Variants in KLHL23 observed in about 807,000 individuals in gnomAD.
KLHL23 encodes the protein kelch-like protein 23.
A neutral mutation model predicts 48.9 loss-of-function variants in KLHL23; 33 were observed. The ratio of observed to expected loss-of-function variants is 0.67; its 90% CI spans 0.51 to 0.90. The LOEUF (loss-of-function observed/expected upper bound fraction) is 0.90, where lower values mean the gene tolerates loss of function less well. KLHL23 is among the 40% of genes least tolerant of loss of function. The pLI, the probability that KLHL23 is intolerant of heterozygous loss-of-function variation, is 0.00. For synonymous variants in KLHL23, 234 were observed against 231.6 expected, an observed-to-expected ratio of 1.01 and a Z score of -0.09; for missense variants, 608 against 669.6, an observed-to-expected ratio of 0.91 and a Z score of 1.02.
intron 3 of KLHL23, among the ~76,000 whole-genome samples, chr2:169,741,917 G>C (rs1489083052): frequency 6.6e-6 from 1 of 152,214 alleles, no homozygotes; most frequent in East Asian, 1.9e-4. Context: ...AGGGTACCCA[G>C]TGATTGAAGT....
intron 2 of KLHL23, among the ~76,000 whole-genome samples, chr2:169,738,162 AT>A: frequency 6.6e-6 from 1 of 152,310 alleles, no homozygotes; most frequent in Non-Finnish European, 1.5e-5. Flanking sequence ...ATATCTAGTC[AT>A]CCCAGGGAGA....
At position 169,750,237 on chromosome 2, in the gene KLHL23, G is replaced by T. The variant is rs112226984; in HGVS notation, c.*505G>T. The stretch of plus-strand genomic sequence containing the variant: ...ATAGAATATTTGACACTTGGTAAAA[G>T]GTGAACTACCTTTGTAGTGAATCTT... On this transcript the variant is annotated 3_prime_UTR_variant, in exon 4 of 4. Coordinates refer to ENST00000392647, the MANE Select transcript of KLHL23 (RefSeq NM_144711.6). 6.1e-3 allele frequency: 931 copies of T among 153,654 alleles called. 8 individuals carry two copies. Among genetic ancestry groups the T allele is most frequent in the Non-Finnish European group, 0.01 (701 of 68,064 alleles). 9.5% of individuals were successfully genotyped at this position (153,654 alleles called of 1,614,324 possible). A position where few individuals can be genotyped will look rare whatever the true frequency, so the allele number is the denominator to read the frequency against.
chr2:169,738,184 C>G (rs1421258628), intron 2 of KLHL23, among the ~76,000 whole-genome samples: 8 of 152,144 alleles, frequency 5.3e-5, no homozygotes, highest in African/African-American at 1.7e-4. Flanking sequence ...GGTAACACTG[C>G]CAGTTATGTG....
chr2:169,736,610 T>G (rs1688524114), intron 2 of KLHL23, among the ~76,000 whole-genome samples: 1 of 152,222 alleles, frequency 6.6e-6, no homozygotes, highest in African/African-American at 2.4e-5. Context: ...ACAAAGTACA[T>G]TCTTCCAGGA....
At chr2:169,743,131 C>T (rs1429029574) in intron 3 of KLHL23, among the ~76,000 whole-genome samples, 1 of 152,214 alleles carries the variant, frequency 6.6e-6, no homozygotes, top group East Asian at 1.9e-4. Flanking sequence ...TTAGATGTTA[C>T]TCTGCCTATT....
Position 169,749,519 on chromosome 2 carries a change from G to A in KLHL23, c.1464G>A (p.Trp488Ter). ...TECYDPEQNE[W>*]REIAPMMERR... ...GCTATGACCCTGAACAAAATGAATGGAGAGAGATAGCTCCCATGATGGAAA... is the reference window on the plus strand; with the variant it reads ...GCTATGACCCTGAACAAAATGAATGAAGAGAGATAGCTCCCATGATGGAAA... Residue 488 changes from tryptophan to a stop codon, truncating the protein, a stop_gained, in exon 4 of 4, where the codon TGG (tryptophan) becomes TGA (stop). Transcript: ENST00000392647. LOFTEE classifies it high-confidence loss of function. 3 of 1,614,070 alleles carry A rather than the reference G, an allele frequency of 1.9e-6. No homozygotes were observed. The highest frequency in any genetic ancestry group is 2.5e-6 in the Non-Finnish European group (3 of 1,180,002).
chr2:169,738,992 T>C (rs1167944459), intron 2 of KLHL23, among the ~76,000 whole-genome samples: 8 of 5,038 alleles, frequency 1.6e-3, no homozygotes, highest in Non-Finnish European at 2.0e-3. Context: ...CCCCTCCCCC[T>C]CCTCCCCTTC....
At position 169,735,247 on chromosome 2, in the gene KLHL23, TA is replaced by T; in HGVS notation, c.237del (p.Lys79AsnfsTer14). The T allele has an allele frequency of 6.2e-7, 1 of 1,604,082 alleles. No individual in the cohort carries two copies. Among genetic ancestry groups the T allele is most frequent in the Non-Finnish European group, 8.5e-7 (1 of 1,177,776 alleles). ...ATGAAAGAAAAATTTAAAAATAAAA[TA>T]AAACTCTCTGGCATCCACCATGATA... ...ADMKEKFKNK[I>X]KLSGIHHDIL... On this transcript the variant is annotated frameshift_variant, in exon 2 of 4. Coordinates refer to ENST00000392647, the MANE Select transcript of KLHL23 (RefSeq NM_144711.6). LOFTEE classifies it high-confidence loss of function. This position sits in a 1 kb window ranked among gnomAD's most constrained non-coding sequence, Gnocchi z 4.5.
chr2:169,746,512 G>A (rs1404981110), intron 3 of KLHL23, among the ~76,000 whole-genome samples: 1 of 152,172 alleles, frequency 6.6e-6, no homozygotes, highest in Non-Finnish European at 1.5e-5. Context: ...CATATCTGCT[G>A]TGTGCATCCT....
chr2:169,734,909 T>G (rs1486743009), intron 1 of KLHL23, 104 bp from the exon 2 acceptor site: 1 of 1,406,692 alleles, frequency 7.1e-7, no homozygotes, highest in African/African-American at 1.5e-5. Flanking sequence ...CTGAACTTAG[T>G]CCAGTTTTGG....
At chr2:169,740,505 G>C (rs1048858511) in intron 2 of KLHL23, among the ~76,000 whole-genome samples, 2 of 148,374 alleles carry the variant, frequency 1.3e-5, no homozygotes, top group African/African-American at 5.0e-5. Flanking sequence ...CTGGAGTGCA[G>C]TGGCACTGTC....
In KLHL23 at chr2:169,749,996, C is replaced by CATATATGTGTATATATACGTATGTATGT. The variant is rs1688915466; in HGVS notation, c.*268_*295dup. The CATATATGTGTATATATACGTATGTATGT allele has an allele frequency of 7.4e-6, 1 of 135,238 alleles. No homozygotes were observed. Among genetic ancestry groups the CATATATGTGTATATATACGTATGTATGT allele is most frequent in the Non-Finnish European group, 1.5e-5 (1 of 65,242 alleles). 8.4% of individuals were successfully genotyped at this position (135,238 alleles called of 1,614,324 possible). ...ATATGTGTATATATACGTATGTATA[C>CATATATGTGTATATATACGTATGTATGT]ATATATGTGTATATATACGTATGTA... On this transcript the variant is annotated 3_prime_UTR_variant, in exon 4 of 4. Coordinates refer to ENST00000392647, the MANE Select transcript of KLHL23 (RefSeq NM_144711.6).
In KLHL23 at chr2:169,734,314, G is replaced by T. The variant is rs562400123; in HGVS notation, c.-3+227G>T. Among the ~76,000 whole-genome samples, 22 of 147,708 alleles carry T rather than the reference G, an allele frequency of 1.5e-4. No homozygotes were observed. The South Asian group carries it at 2.9e-3, about 19-fold the overall frequency. ...CACCTGCGCGGAGCGCCGGGCAGAGGGACGCGGGCACCGGGCCCGCGGGCG... is the reference window on the plus strand; with the variant it reads ...CACCTGCGCGGAGCGCCGGGCAGAGTGACGCGGGCACCGGGCCCGCGGGCG... On this transcript the variant is annotated intron_variant, in intron 1 of 3. Coordinates refer to ENST00000392647, the MANE Select transcript of KLHL23 (RefSeq NM_144711.6).
chr2:169,734,548 G>T (rs957968709), intron 1 of KLHL23, among the ~76,000 whole-genome samples: 1 of 152,184 alleles, frequency 6.6e-6, no homozygotes, highest in Non-Finnish European at 1.5e-5. Context: ...CCTTTTCCGA[G>T]ACCTCTTCTT....
chr2:169,745,963 A>C (rs952729426), intron 3 of KLHL23, among the ~76,000 whole-genome samples: 14 of 152,158 alleles, frequency 9.2e-5, no homozygotes, highest in African/African-American at 3.4e-4. Context: ...AGATCTGGGG[A>C]TTGTTTGCTT....
intron 3 of KLHL23, among the ~76,000 whole-genome samples, chr2:169,748,883 C>T (rs1688872680): frequency 6.6e-6 from 1 of 151,604 alleles, no homozygotes; most frequent in African/African-American, 2.4e-5. Flanking sequence ...ACTGTCATGC[C>T]CCACGAGTCT....
At position 169,735,263 on chromosome 2, in the gene KLHL23, CCA is replaced by C; in HGVS notation, c.251_252del (p.His84ProfsTer2). On this transcript the variant is annotated frameshift_variant, in exon 2 of 4. Coordinates refer to ENST00000392647, the MANE Select transcript of KLHL23 (RefSeq NM_144711.6). LOFTEE classifies it high-confidence loss of function. This position sits in a 1 kb window ranked among gnomAD's most constrained non-coding sequence, Gnocchi z 4.5. The stretch of plus-strand genomic sequence containing the variant: ...AAAATAAAATAAAACTCTCTGGCAT[CCA>C]CCATGATATTCTGGAAGGCCTTGTA... ...FKNKIKLSGI[H>X]HDILEGLVNY... 1 of 1,608,194 alleles carries C rather than the reference CCA, an allele frequency of 6.2e-7. No individual in the cohort carries two copies. Among genetic ancestry groups the C allele is most frequent in the Non-Finnish European group, 8.5e-7 (1 of 1,178,772 alleles).
At chr2:169,739,035 T>C (rs117041848) in intron 2 of KLHL23, among the ~76,000 whole-genome samples, 1,723 of 100,456 alleles carry the variant, frequency 0.017, 19 homozygotes, top group East Asian at 0.051. Flanking sequence ...CCTTCTGCCT[T>C]CTTCTTCCTC....
At position 169,748,784 on chromosome 2, in the gene KLHL23, C is replaced by A. The variant is rs963363981; in HGVS notation, c.1367-638C>A. Reference sequence around the variant, plus strand: ...AGGAGGAGGACCGCCCCCCCCCCCCCCCATATACATACTTCCAGCCCCAGG... The same window carrying A: ...AGGAGGAGGACCGCCCCCCCCCCCCACCATATACATACTTCCAGCCCCAGG... On this transcript the variant is annotated intron_variant, in intron 3 of 3. Transcript: ENST00000392647. Among the ~76,000 whole-genome samples, 15 of 107,286 alleles carry A rather than the reference C, an allele frequency of 1.4e-4. 2 individuals carry two copies. Among genetic ancestry groups the A allele is most frequent in the African/African-American group, 4.1e-4 (12 of 29,002 alleles). 70.4% of individuals were successfully genotyped at this position (107,286 alleles called of 152,430 possible). A position where few individuals can be genotyped will look rare whatever the true frequency, so the allele number is the denominator to read the frequency against.
Sources: allele counts gnomAD v4.1 joint callset (sites outside exome capture counted in the v4.1 genomes callset), GRCh38; gene constraint gnomAD v4.1.1; non-coding constraint Gnocchi (gnomAD v3.1); transcripts MANE v1.5; gene names NCBI Gene and HGNC (gene_info 2026-07-23, HGNC 2026-07-21).